DGKK: variants seen among roughly 807,000 people sequenced by gnomAD.
The protein encoded by DGKK is diacylglycerol kinase kappa, also known as 142 kDa diacylglycerol kinase.
A neutral mutation model predicts 92.2 loss-of-function variants in DGKK; 35 were observed. That is an observed-to-expected ratio of 0.38 (90% CI 0.29 to 0.50). The LOEUF (loss-of-function observed/expected upper bound fraction) is 0.50. Among genes scored for constraint, DGKK ranks in the 20% least tolerant of loss-of-function variants. The probability of loss-of-function intolerance (pLI) is 0.92; values close to 1 mark genes in which losing one functional copy is unlikely to be tolerated. For synonymous variants in DGKK, 368 were observed against 360.6 expected (o/e 1.02, Z -0.23); for missense variants, 910 against 992.2 (o/e 0.92, Z 1.11).
intron 4 of DGKK, among the ~76,000 whole-genome samples, chrX:50,414,774 G>A (rs1557228346): frequency 8.9e-6 from 1 of 111,736 alleles, no homozygotes; most frequent in Non-Finnish European, 1.9e-5. Flanking sequence ...TAGTGTGGAT[G>A]TCAATCACAG....
intron 25 of DGKK, among the ~76,000 whole-genome samples, chrX:50,372,722 G>A (rs180740742): frequency 8.9e-5 from 10 of 112,169 alleles, no homozygotes; most frequent in East Asian, 5.6e-4. Context: ...GACCATCTTC[G>A]ACTCAGAAGA....
rs369063565 is a variant in DGKK, at chrX:50,375,011, C to T, written c.3461G>A (p.Gly1154Asp). The change falls in exon 25 of 28, where the codon GGT becomes GAT. Residue 1154 changes from glycine (G) to aspartate (D), a missense_variant. Physicochemically the swap from Gly to Asp is moderately conservative, Grantham distance 94. Transcript: ENST00000611977. ...GAAAGCTGTGGTGTCATCGTAGAGA[C>T]CTTTAAGACTAAATGTAACATCTAC... ...DAVDVTFSLK[G>D]LYDDTTAFLD... The T allele has an allele frequency of 5.8e-6, 7 of 1,207,520 alleles. No individual in the cohort carries two copies. In the African/African-American group the frequency reaches 1.2e-4, roughly 21 times the overall value.
intron 17 of DGKK, among the ~76,000 whole-genome samples, chrX:50,383,296 CT>C (rs1924456151): frequency 9.0e-6 from 1 of 111,229 alleles, no homozygotes; most frequent in Non-Finnish European, 1.9e-5. Flanking sequence ...TGAATCAGGG[CT>C]TTCTCCCCCA....
intron 4 of DGKK, among the ~76,000 whole-genome samples, chrX:50,415,685 G>C (rs951104629): frequency 9.0e-6 from 1 of 111,495 alleles, no homozygotes; most frequent in Non-Finnish European, 1.9e-5. Flanking sequence ...CCTGGGACCT[G>C]TCATTTCTTC....
intron 1 of DGKK, among the ~76,000 whole-genome samples, chrX:50,464,395 C>T (rs1256745760): frequency 9.1e-6 from 1 of 109,903 alleles, no homozygotes; most frequent in Non-Finnish European, 1.9e-5. Flanking sequence ...CGCGCCCCTG[C>T]TTCTTGGAAT....
intron 1 of DGKK, among the ~76,000 whole-genome samples, chrX:50,460,789 A>G (rs1017052560): frequency 2.7e-5 from 3 of 111,567 alleles, no homozygotes; most frequent in African/African-American, 6.5e-5. Flanking sequence ...CTATTTCCTT[A>G]TAATTGTGGA....
intron 1 of DGKK, among the ~76,000 whole-genome samples, chrX:50,444,055 C>T (rs1926230348): frequency 9.0e-6 from 1 of 110,917 alleles, no homozygotes; most frequent in African/African-American, 3.3e-5. Context: ...AAGAATGTGC[C>T]ATGGTTTTTA....
chrX:50,413,298 G>C (rs1925349008), intron 4 of DGKK, among the ~76,000 whole-genome samples: 1 of 111,930 alleles, frequency 8.9e-6, no homozygotes, highest in African/African-American at 3.2e-5. Flanking sequence ...CATTGGTCTG[G>C]GCAAGGATGT....
rs113372668 is a variant in DGKK, at chrX:50,371,315, A to G, written c.3612+409T>C. 4.5e-5 allele frequency among the ~76,000 whole-genome samples: 5 copies of G among 112,225 alleles called. No individual in the cohort carries two copies. The East Asian group carries it at 1.4e-3, about 31-fold the overall frequency. Reference sequence around the variant, plus strand: ...GGCCTGGGCACCAACCATTTAGAACAGGTATTGGCTGTAAACTGGCATGGC... The same window carrying G: ...GGCCTGGGCACCAACCATTTAGAACGGGTATTGGCTGTAAACTGGCATGGC... On this transcript the variant is annotated intron_variant, in intron 26 of 27. Coordinates refer to ENST00000611977, the MANE Select transcript of DGKK (RefSeq NM_001013742.4).
intron 12 of DGKK, among the ~76,000 whole-genome samples, chrX:50,389,820 T>A (rs1404379228): frequency 1.8e-5 from 2 of 110,667 alleles, no homozygotes; most frequent in Non-Finnish European, 3.8e-5. Flanking sequence ...CGCTGTTCCA[T>A]CTGTGTGGAA....
intron 3 of DGKK, 128 bp from the exon 4 acceptor site, chrX:50,420,635 A>T: frequency 1.9e-6 from 1 of 516,827 alleles, no homozygotes; most frequent in Non-Finnish European, 3.2e-6. Context: ...TGAATATAAG[A>T]CAGACATTCC....
At chrX:50,448,743 G>A (rs1557232239) in intron 1 of DGKK, among the ~76,000 whole-genome samples, 1 of 111,201 alleles carries the variant, frequency 9.0e-6, no homozygotes, top group African/African-American at 3.3e-5. Flanking sequence ...CCTACTATGA[G>A]TCACAGTTGA....
At chrX:50,390,074 A>G (rs1924647095) in intron 12 of DGKK, among the ~76,000 whole-genome samples, 1 of 112,489 alleles carries the variant, frequency 8.9e-6, no homozygotes, top group Non-Finnish European at 1.9e-5. Flanking sequence ...GCATATAAGA[A>G]CATCTCCTAG....
intron 7 of DGKK, among the ~76,000 whole-genome samples, 199 bp from the exon 8 acceptor site, chrX:50,401,338 C>A (rs1378276339): frequency 2.7e-5 from 3 of 110,956 alleles, no homozygotes; most frequent in Non-Finnish European, 5.7e-5. Context: ...CTCAGTGTGG[C>A]CTCAGAACTC....
chrX:50,447,302 GAGA>G (rs1445314850), intron 1 of DGKK, among the ~76,000 whole-genome samples: 1 of 56,894 alleles, frequency 1.8e-5, no homozygotes, highest in Non-Finnish European at 3.2e-5. Context: ...TAATGTCTAC[GAGA>G]AGTAGTATGT....
intron 4 of DGKK, among the ~76,000 whole-genome samples, chrX:50,411,311 T>A (rs1161041167): frequency 8.9e-6 from 1 of 111,951 alleles, no homozygotes; most frequent in African/African-American, 3.3e-5. Context: ...GCAAAAATCC[T>A]CAATAAAATA....
chrX:50,461,288 C>T (rs1926738689), intron 1 of DGKK, among the ~76,000 whole-genome samples: 1 of 111,964 alleles, frequency 8.9e-6, no homozygotes, highest in South Asian at 3.7e-4. Flanking sequence ...ATAATGAACA[C>T]GATCTAATAA....
At chrX:50,384,294 G>A (rs782163225) in intron 16 of DGKK, 30 bp from the exon 17 acceptor site, 13 of 1,027,311 alleles carry the variant, frequency 1.3e-5, no homozygotes, top group Admixed American at 2.9e-5. Flanking sequence ...CTTGGGTGAC[G>A]GATACAAACA....
chrX:50,400,884 A>T (rs782213867), intron 8 of DGKK, among the ~76,000 whole-genome samples, 153 bp downstream of exon 8: 1 of 111,457 alleles, frequency 9.0e-6, no homozygotes, highest in South Asian at 3.9e-4. Context: ...AAGGTAAGAG[A>T]ACCAGGAGCT....
Sources: allele counts gnomAD v4.1 joint callset (sites outside exome capture counted in the v4.1 genomes callset), GRCh38; gene constraint gnomAD v4.1.1; transcripts MANE v1.5; gene names NCBI Gene and HGNC (gene_info 2026-07-23, HGNC 2026-07-21).